The following TBCC variants were observed in gnomAD, a reference collection of about 807,000 sequenced individuals.
The protein encoded by TBCC is tubulin-specific chaperone C.
Under a neutral mutation model 25.3 loss-of-function variants are expected in TBCC, and 25 were observed. That is an observed-to-expected ratio of 0.99 (90% CI 0.72 to 1.38). The LOEUF is 1.38. TBCC is among the 40% of genes most tolerant of loss of function. TBCC has a pLI of 0.00. For missense variants in TBCC, 507 were observed against 447.2 expected (o/e 1.13, Z -1.21); for synonymous variants, 226 against 192.8 (o/e 1.17, Z -1.43).
Position 42,745,922 on chromosome 6 carries a change from T to C in TBCC, c.152A>G (p.Glu51Gly). The change falls in exon 1 of 1, where the codon GAG becomes GGG. Residue 51 changes from glutamate (E) to glycine (G), a missense_variant. Physicochemically the swap from Glu to Gly is moderately conservative, Grantham distance 98 (BLOSUM62 -2). Coordinates refer to ENST00000372876, the MANE Select transcript of TBCC (RefSeq NM_003192.3). The surrounding 1 kb of genome is among the most constrained non-coding windows in gnomAD (Gnocchi z 4.2). ...AAAGTGGCTGTTCTCCTTCTCTACC[T>C]CCTGGTTCTGCCGCTTTTGTTTCCG... ...ERRKQKRQNQ[E>G]VEKENSHFFV... The C allele has an allele frequency of 6.2e-7, 1 of 1,614,190 alleles. No individual in the cohort carries two copies. Among genetic ancestry groups the C allele is most frequent in the Non-Finnish European group, 8.5e-7 (1 of 1,180,044 alleles).
chr6:42,745,924 C>T lies in TBCC; in HGVS notation c.150G>A (p.Gln50=), dbSNP rs772314057. The part of the protein sequence containing the change: ...VERRKQKRQN[Q]EVEKENSHFF... Reference sequence around the variant, plus strand: ...AGTGGCTGTTCTCCTTCTCTACCTCCTGGTTCTGCCGCTTTTGTTTCCGCC... The same window carrying T: ...AGTGGCTGTTCTCCTTCTCTACCTCTTGGTTCTGCCGCTTTTGTTTCCGCC... Residue 50 remains glutamine (Q), a synonymous_variant, in exon 1 of 1, where the codon CAG becomes CAA. Coordinates refer to ENST00000372876, the MANE Select transcript of TBCC (RefSeq NM_003192.3). This position sits in a 1 kb window ranked among gnomAD's most constrained non-coding sequence, Gnocchi z 4.2. 5 of 1,614,118 alleles carry T rather than the reference C, an allele frequency of 3.1e-6. No homozygotes were observed. The African/African-American group carries it at 6.7e-5, about 22-fold the overall frequency.
Position 42,745,306 on chromosome 6 carries a change from C to T in TBCC, c.768G>A (p.Val256=), listed in dbSNP as rs753562604. The part of the protein sequence containing the change: ...LEDCSDCVLA[V]ACQQLRIHST... ...TGTGTATGCGGAGCTGTTGGCAGGC[C>T]ACTGCCAGCACGCAGTCACTGCAGT... The change falls in exon 1 of 1, where the codon GTG becomes GTA. Residue 256 remains valine, a synonymous_variant. Coordinates refer to ENST00000372876, the MANE Select transcript of TBCC (RefSeq NM_003192.3). This position sits in a 1 kb window ranked among gnomAD's most constrained non-coding sequence, Gnocchi z 4.2. 1 of 1,614,220 alleles carries T rather than the reference C, an allele frequency of 6.2e-7. No individual in the cohort carries two copies. Among genetic ancestry groups the T allele is most frequent in the South Asian group, 1.1e-5 (1 of 91,084 alleles).
Position 42,745,334 on chromosome 6 carries a change from T to A in TBCC, c.740A>T (p.Glu247Val). The change falls in exon 1 of 1, where the codon GAG (glutamate) becomes GTG (valine). Residue 247 changes from glutamate to valine, a missense_variant. Glu to Val is a moderately radical substitution (Grantham distance 121). Transcript: ENST00000372876. This position sits in a 1 kb window ranked among gnomAD's most constrained non-coding sequence, Gnocchi z 4.2. ...CGPVSTSVFL[E>V]DCSDCVLAVA... Reference sequence around the variant, plus strand: ...TGCCAGCACGCAGTCACTGCAGTCCTCCAGGAAAACAGAGGTAGACACCGG... The same window carrying A: ...TGCCAGCACGCAGTCACTGCAGTCCACCAGGAAAACAGAGGTAGACACCGG... The A allele has an allele frequency of 6.2e-7, 1 of 1,614,218 alleles. No homozygotes were observed. The highest frequency in any genetic ancestry group is 8.5e-7 in the Non-Finnish European group (1 of 1,180,034).
chr6:42,744,954 G>T lies in TBCC; in HGVS notation c.*79C>A. ...GAAAACATACACAGTGTGACAATAA[G>T]TAAACTTCGAGACCCAATAAGGGGG... On this transcript the variant is annotated 3_prime_UTR_variant, in exon 1 of 1. Transcript: ENST00000372876. The T allele has an allele frequency of 2.9e-6, 4 of 1,360,062 alleles. No individual in the cohort carries two copies. The highest frequency in any genetic ancestry group is 4.1e-6 in the Non-Finnish European group (4 of 980,696). 84.2% of individuals were successfully genotyped at this position (1,360,062 alleles called of 1,614,324 possible).
rs766019489 is a variant in TBCC at position 42,746,089 on chromosome 6, C to T, written c.-16G>A. ...CGGACTCCATATTGGCTTCAAGCTT[C>T]CTCTCTCTTGTCTTCCTTCCTCCGG... On this transcript the variant is annotated 5_prime_UTR_variant, in exon 1 of 1. Transcript: ENST00000372876. The T allele has an allele frequency of 1.0e-5, 16 of 1,603,140 alleles. No individual in the cohort carries two copies. The highest frequency in any genetic ancestry group is 2.7e-5 in the African/African-American group (2 of 74,482).
In TBCC at chr6:42,745,314, G is replaced by T; in HGVS notation, c.760C>A (p.Leu254Met). 1 of 1,614,218 alleles carries T rather than the reference G, an allele frequency of 6.2e-7. No homozygotes were observed. Among genetic ancestry groups the T allele is most frequent in the Non-Finnish European group, 8.5e-7 (1 of 1,180,050 alleles). The change falls in exon 1 of 1, where the codon CTG (leucine) becomes ATG (methionine). Residue 254 changes from leucine (L) to methionine (M), a missense_variant. Coordinates refer to ENST00000372876, the MANE Select transcript of TBCC (RefSeq NM_003192.3). The surrounding 1 kb of genome is among the most constrained non-coding windows in gnomAD (Gnocchi z 4.2). ...CGGAGCTGTTGGCAGGCCACTGCCA[G>T]CACGCAGTCACTGCAGTCCTCCAGG... The part of the protein sequence containing the change: ...VFLEDCSDCV[L>M]AVACQQLRIH...
In TBCC at chr6:42,745,458, C is replaced by G. The variant is rs1562442648; in HGVS notation, c.616G>C (p.Val206Leu). The G allele has an allele frequency of 6.2e-7, 1 of 1,613,930 alleles. No individual in the cohort carries two copies. The highest frequency in any genetic ancestry group is 1.3e-5 in the African/African-American group (1 of 75,062). The change falls in exon 1 of 1, where the codon GTT becomes CTT. Residue 206 changes from valine to leucine, a missense_variant. By Grantham distance (32) the Val-to-Leu change is conservative. Transcript: ENST00000372876. This position sits in a 1 kb window ranked among gnomAD's most constrained non-coding sequence, Gnocchi z 4.2. ...KRASELHQRDVLLTELSNCTV... is the reference protein window; with the variant it reads ...KRASELHQRDLLLTELSNCTV... ...CAGTTGCTCAGTTCGGTCAAAAGAA[C>G]GTCGCGCTGGTGCAACTCGCTGGCT...
rs555582056 is a variant in TBCC at position 42,746,049 on chromosome 6, C to T, written c.25G>A (p.Ala9Thr). The T allele has an allele frequency of 2.5e-6, 4 of 1,613,408 alleles. No homozygotes were observed. In the African/African-American group the frequency reaches 4.0e-5, roughly 16 times the overall value. ...TCCATGTCTCCGGTCCTGACAGCAG[C>T]AGCGGAGCAACTGACGGACTCCATA... MESVSCSA[A>T]AVRTGDMESQ... The change falls in exon 1 of 1, where the codon GCT (alanine) becomes ACT (threonine). Residue 9 changes from alanine (A) to threonine (T), a missense_variant. Coordinates refer to ENST00000372876, the MANE Select transcript of TBCC (RefSeq NM_003192.3).
chr6:42,745,779 T>C lies in TBCC; in HGVS notation c.295A>G (p.Asn99Asp), dbSNP rs1169621598. Reference sequence around the variant, plus strand: ...GCGGCTAGGAAAAAAACTGAGTCGTTGATTAGTTTCTGCAGCCCCTGGAGC... The same window carrying C: ...GCGGCTAGGAAAAAAACTGAGTCGTCGATTAGTTTCTGCAGCCCCTGGAGC... ...SRLQGLQKLINDSVFFLAAYD... is the reference protein window; with the variant it reads ...SRLQGLQKLIDDSVFFLAAYD... The change falls in exon 1 of 1, where the codon AAC becomes GAC. Residue 99 changes from asparagine (N) to aspartate (D), a missense_variant. Physicochemically the swap from Asn to Asp is conservative, Grantham distance 23 (BLOSUM62 1). Transcript: ENST00000372876. This position sits in a 1 kb window ranked among gnomAD's most constrained non-coding sequence, Gnocchi z 4.2. 1 of 1,613,640 alleles carries C rather than the reference T, an allele frequency of 6.2e-7. No homozygotes were observed. The highest frequency in any genetic ancestry group is 1.1e-5 in the South Asian group (1 of 91,082).
chr6:42,745,067 A>C lies in TBCC; in HGVS notation c.1007T>G (p.Leu336Arg). ...RDMASPNWSI[L>R]PEEERNIQWD ...CTGGATATTTCGCTCCTCTTCAGGA[A>C]GAATACTCCAGTTTGGGGAGGCCAT... is the stretch of plus-strand genomic sequence containing the variant. The change falls in exon 1 of 1, where the codon CTT (leucine) becomes CGT (arginine). Residue 336 changes from leucine (L) to arginine (R), a missense_variant. Transcript: ENST00000372876. The surrounding 1 kb of genome is among the most constrained non-coding windows in gnomAD (Gnocchi z 4.2). The C allele has an allele frequency of 6.2e-7, 1 of 1,614,196 alleles. No individual in the cohort carries two copies. Among genetic ancestry groups the C allele is most frequent in the African/African-American group, 1.3e-5 (1 of 75,058 alleles).
At position 42,746,023 on chromosome 6, in the gene TBCC, C is replaced by T. The variant is rs986263688; in HGVS notation, c.51G>A (p.Glu17=). The T allele has an allele frequency of 4.3e-6, 7 of 1,614,100 alleles. No individual in the cohort carries two copies. The highest frequency in any genetic ancestry group is 4.0e-5 in the African/African-American group (3 of 74,940). The part of the protein sequence containing the change: ...SAAAVRTGDM[E]SQRDLSLVPE... ...GCACCAGGCTCAGGTCCCGCTGGGA[C>T]TCCATGTCTCCGGTCCTGACAGCAG... The change falls in exon 1 of 1, where the codon GAG becomes GAA. Residue 17 remains glutamate (E), a synonymous_variant. Transcript: ENST00000372876.
rs1314385549 is a variant in TBCC at position 42,746,022 on chromosome 6, A to C, written c.52T>G (p.Ser18Ala). The C allele has an allele frequency of 6.2e-7, 1 of 1,613,670 alleles. No homozygotes were observed. The highest frequency in any genetic ancestry group is 1.3e-5 in the African/African-American group (1 of 74,782). Residue 18 changes from serine to alanine, a missense_variant, in exon 1 of 1, where the codon TCC (serine) becomes GCC (alanine). Ser to Ala is a moderately conservative substitution (Grantham distance 99). Coordinates refer to ENST00000372876, the MANE Select transcript of TBCC (RefSeq NM_003192.3). ...GGCACCAGGCTCAGGTCCCGCTGGG[A>C]CTCCATGTCTCCGGTCCTGACAGCA... is the stretch of plus-strand genomic sequence containing the variant. ...AAAVRTGDMESQRDLSLVPER... is the reference protein window; with the variant it reads ...AAAVRTGDMEAQRDLSLVPER...
rs1028874982 is a variant in TBCC, at chr6:42,745,407, T to C, written c.667A>G (p.Asn223Asp). ...NCTVRLYGNPNTLRLTKAHSC... is the reference protein window; with the variant it reads ...NCTVRLYGNPDTLRLTKAHSC... ...TGGGCCTTGGTTAGCCGCAGGGTGT[T>C]GGGATTTCCATACAGTCTGACCGTG... is the stretch of plus-strand genomic sequence containing the variant. Residue 223 changes from asparagine to aspartate, a missense_variant, in exon 1 of 1, where the codon AAC becomes GAC. Asn to Asp is a conservative substitution (Grantham distance 23). Transcript: ENST00000372876. This position sits in a 1 kb window ranked among gnomAD's most constrained non-coding sequence, Gnocchi z 4.2. 4 of 1,614,172 alleles carry C rather than the reference T, an allele frequency of 2.5e-6. No individual in the cohort carries two copies. The highest frequency in any genetic ancestry group is 1.7e-5 in the Admixed American group (1 of 60,018).
rs2234029 is a variant in TBCC at position 42,745,485 on chromosome 6, T to C, written c.589A>G (p.Arg197Gly). Residue 197 changes from arginine to glycine, a missense_variant, in exon 1 of 1, where the codon AGA (arginine) becomes GGA (glycine). Physicochemically the swap from Arg to Gly is moderately radical, Grantham distance 125. Coordinates refer to ENST00000372876, the MANE Select transcript of TBCC (RefSeq NM_003192.3). This position sits in a 1 kb window ranked among gnomAD's most constrained non-coding sequence, Gnocchi z 4.2. ...TCGCGCTGGTGCAACTCGCTGGCTC[T>C]CTTCTCCAAGACTTGGGACTCCAGG... ...SNLESQVLEKRASELHQRDVL... is the reference protein window; with the variant it reads ...SNLESQVLEKGASELHQRDVL... 3 of 1,612,712 alleles carry C rather than the reference T, an allele frequency of 1.9e-6. No homozygotes were observed. The highest frequency in any genetic ancestry group is 8.5e-7 in the Non-Finnish European group (1 of 1,179,416).
At position 42,746,060 on chromosome 6, in the gene TBCC, C is replaced by T; in HGVS notation, c.14G>A (p.Ser5Asn). 3 of 1,613,066 alleles carry T rather than the reference C, an allele frequency of 1.9e-6. No homozygotes were observed. Among genetic ancestry groups the T allele is most frequent in the Non-Finnish European group, 2.5e-6 (3 of 1,179,268 alleles). Reference sequence around the variant, plus strand: ...GGTCCTGACAGCAGCAGCGGAGCAACTGACGGACTCCATATTGGCTTCAAG... The same window carrying T: ...GGTCCTGACAGCAGCAGCGGAGCAATTGACGGACTCCATATTGGCTTCAAG... The part of the protein sequence containing the change: MESV[S>N]CSAAAVRTGD... The change falls in exon 1 of 1, where the codon AGT (serine) becomes AAT (asparagine). Residue 5 changes from serine to asparagine, a missense_variant. Coordinates refer to ENST00000372876, the MANE Select transcript of TBCC (RefSeq NM_003192.3).
Position 42,745,227 on chromosome 6 carries a change from C to T in TBCC, c.847G>A (p.Asp283Asn), listed in dbSNP as rs1257481077. The change falls in exon 1 of 1, where the codon GAC (aspartate) becomes AAC (asparagine). Residue 283 changes from aspartate to asparagine, a missense_variant. By Grantham distance (23) the Asp-to-Asn change is conservative. Transcript: ENST00000372876. The surrounding 1 kb of genome is among the most constrained non-coding windows in gnomAD (Gnocchi z 4.2). ...GGGGCGAACTGGATCCCACTGCAGT[C>T]CTCCACGATGGCCCTGCTGGTCACC... ...LQVTSRAIVE[D>N]CSGIQFAPYT... 2 of 1,614,232 alleles carry T rather than the reference C, an allele frequency of 1.2e-6. No homozygotes were observed. The highest frequency in any genetic ancestry group is 1.7e-6 in the Non-Finnish European group (2 of 1,180,044).
chr6:42,744,762 G>T lies in TBCC; in HGVS notation c.*271C>A. 3.7e-6 allele frequency: 1 copy of T among 272,260 alleles called. No homozygotes were observed. 16.9% of individuals were successfully genotyped at this position (272,260 alleles called of 1,614,324 possible). ...CTCTACTAAAAATACAAGTTCGCGT[G>T]GTGGCGCGCGCCTGTAATCCCAGCG... is the stretch of plus-strand genomic sequence containing the variant. On this transcript the variant is annotated 3_prime_UTR_variant, in exon 1 of 1. Transcript: ENST00000372876.
At position 42,746,090 on chromosome 6, in the gene TBCC, C is replaced by CTCTCTCTTG; in HGVS notation, c.-26_-18dup. The CTCTCTCTTG allele has an allele frequency of 6.2e-7, 1 of 1,602,684 alleles. No homozygotes were observed. The highest frequency in any genetic ancestry group is 8.5e-7 in the Non-Finnish European group (1 of 1,172,960). On this transcript the variant is annotated 5_prime_UTR_variant, in exon 1 of 1. Transcript: ENST00000372876. Reference sequence around the variant, plus strand: ...GGACTCCATATTGGCTTCAAGCTTCCTCTCTCTTGTCTTCCTTCCTCCGGG... The same window carrying CTCTCTCTTG: ...GGACTCCATATTGGCTTCAAGCTTCCTCTCTCTTGTCTCTCTTGTCTTCCTTCCTCCGGG...
rs1252790130 is a variant in TBCC at position 42,745,195 on chromosome 6, G to A, written c.879C>T (p.Thr293=). 1 of 1,614,230 alleles carries A rather than the reference G, an allele frequency of 6.2e-7. No individual in the cohort carries two copies. The highest frequency in any genetic ancestry group is 8.5e-7 in the Non-Finnish European group (1 of 1,180,052). ...DCSGIQFAPY[T]WSYPEIDKDF... ...CCTTGTCGATCTCCGGGTAGCTCCA[G>A]GTGTAAGGGGCGAACTGGATCCCAC... The change falls in exon 1 of 1, where the codon ACC becomes ACT. Residue 293 remains threonine (T), a synonymous_variant. Coordinates refer to ENST00000372876, the MANE Select transcript of TBCC (RefSeq NM_003192.3). This position sits in a 1 kb window ranked among gnomAD's most constrained non-coding sequence, Gnocchi z 4.2.
Sources: allele counts gnomAD v4.1 joint callset, GRCh38; gene constraint gnomAD v4.1.1; non-coding constraint Gnocchi (gnomAD v3.1); transcripts MANE v1.5; gene names NCBI Gene and HGNC (gene_info 2026-07-23, HGNC 2026-07-21).